Variants in CACHD1 observed in about 807,000 individuals in gnomAD.
CACHD1 encodes VWFA and cache domain-containing protein 1.
In CACHD1, 71 loss-of-function variants were observed where a neutral mutation model predicts 138.7. The ratio of observed to expected loss-of-function variants is 0.51; its 90% confidence interval spans 0.42 to 0.62. The LOEUF (loss-of-function observed/expected upper bound fraction) is 0.62, where lower values mean the gene tolerates loss of function less well. CACHD1 is among the 20% of genes least tolerant of loss of function. CACHD1 has a pLI of 0.00. For missense variants in CACHD1, 1,389 were observed against 1,625.3 expected (o/e 0.85, Z 2.50); for synonymous variants, 578 against 591.5 (o/e 0.98, Z 0.33).
intron 1 of CACHD1, among the ~76,000 whole-genome samples, chr1:64,517,506 T>G (rs1461909047): frequency 6.6e-6 from 1 of 152,040 alleles, no homozygotes; most frequent in Non-Finnish European, 1.5e-5. Context: ...GAGGCCTCAT[T>G]GAGAAAATGA....
intron 4 of CACHD1, among the ~76,000 whole-genome samples, chr1:64,607,576 C>T (rs1394219099): frequency 5.9e-5 from 9 of 152,148 alleles, no homozygotes; most frequent in Admixed American, 5.2e-4. Flanking sequence ...AAATTATACT[C>T]AGTTTATGTG....
At chr1:64,688,663 GC>G (rs1650443083) in intron 26 of CACHD1, among the ~76,000 whole-genome samples, 1 of 151,408 alleles carries the variant, frequency 6.6e-6, no homozygotes, top group Non-Finnish European at 1.5e-5. Flanking sequence ...CCTCCCCATT[GC>G]CCCCTGACCA....
intron 2 of CACHD1, among the ~76,000 whole-genome samples, chr1:64,566,480 C>CCCCG (rs1553133826): frequency 3.4e-3 from 3 of 892 alleles, no homozygotes; most frequent in Admixed American, 9.3e-3. Context: ...GTTTTCAATT[C>CCCCG]CCCCCCCCCC....
intron 8 of CACHD1, among the ~76,000 whole-genome samples, chr1:64,644,108 A>C (rs1222902882): frequency 1.3e-5 from 2 of 152,248 alleles, no homozygotes; most frequent in Non-Finnish European, 2.9e-5. Context: ...TTTTCTTTGC[A>C]TTCTGAGCGC....
At chr1:64,658,115 C>G (rs1649325307) in intron 12 of CACHD1, among the ~76,000 whole-genome samples, 1 of 152,186 alleles carries the variant, frequency 6.6e-6, no homozygotes, top group African/African-American at 2.4e-5. Flanking sequence ...GCTGACTCTG[C>G]AGGGATGCCA....
At chr1:64,604,624 AT>A (rs1002866536) in intron 4 of CACHD1, among the ~76,000 whole-genome samples, 10 of 152,176 alleles carry the variant, frequency 6.6e-5, no homozygotes, top group African/African-American at 2.2e-4. Context: ...ATGTAGTTAA[AT>A]TTTTTACAAG....
chr1:64,506,613 G>A (rs1476733198), intron 1 of CACHD1: 1 of 152,188 alleles, frequency 6.6e-6, no homozygotes, highest in Admixed American at 6.5e-5. Context: ...GGTATACTGA[G>A]AGAAAATACG....
chr1:64,570,530 G>A (rs536559779), intron 2 of CACHD1, among the ~76,000 whole-genome samples: 58 of 152,164 alleles, frequency 3.8e-4, no homozygotes, highest in South Asian at 1.0e-3. Flanking sequence ...AGGTGTTAGC[G>A]GTGAATCCTG....
chr1:64,537,275 AAT>A, intron 1 of CACHD1, among the ~76,000 whole-genome samples: 1 of 136,168 alleles, frequency 7.3e-6, no homozygotes, highest in East Asian at 2.2e-4. Context: ...AAAAAAAAAA[AAT>A]TGTTTGTTGA....
chr1:64,550,423 A>G (rs539163279), intron 1 of CACHD1, among the ~76,000 whole-genome samples, 171 bp from the exon 2 acceptor site: 15 of 152,170 alleles, frequency 9.9e-5, no homozygotes, highest in Non-Finnish European at 1.8e-4. Context: ...TGCTTACATA[A>G]GTGTGATTGA....
At position 64,570,751 on chromosome 1, in the gene CACHD1, GT is replaced by G. The variant is rs372695470; in HGVS notation, c.262-11403del. On this transcript the variant is annotated intron_variant, in intron 2 of 26. Transcript: ENST00000651257. ...TCAGGCAAATATCCTCATTCCTCTG[GT>G]TGGAAACCCATACGGGAAACATTTC... Among the ~76,000 whole-genome samples, 10 of 151,808 alleles carry G rather than the reference GT, an allele frequency of 6.6e-5. No individual in the cohort carries two copies. The South Asian group carries it at 1.9e-3, about 29-fold the overall frequency.
chr1:64,671,133 T>C (rs1649799499), intron 16 of CACHD1, among the ~76,000 whole-genome samples: 1 of 152,212 alleles, frequency 6.6e-6, no homozygotes, highest in East Asian at 1.9e-4. Context: ...AGTTAACCTT[T>C]GTGAGATCTC....
intron 1 of CACHD1, among the ~76,000 whole-genome samples, chr1:64,542,586 T>C (rs1382832408): frequency 6.6e-6 from 1 of 152,186 alleles, no homozygotes; most frequent in Non-Finnish European, 1.5e-5. Flanking sequence ...CTTTCTCTGT[T>C]ATATATTCAA....
intron 17 of CACHD1, 90 bp from the exon 18 acceptor site, chr1:64,673,067 TC>T: frequency 9.3e-7 from 1 of 1,076,684 alleles, no homozygotes; most frequent in Non-Finnish European, 1.4e-6. Context: ...GCAGTTTGTT[TC>T]AGGGCTAGCA....
chr1:64,625,112 G>T (rs1648050094), intron 4 of CACHD1, among the ~76,000 whole-genome samples: 1 of 152,210 alleles, frequency 6.6e-6, no homozygotes, highest in Non-Finnish European at 1.5e-5. Context: ...CACTGTACCA[G>T]ACTGAAGGAA....
chr1:64,515,102 A>G (rs1197179663), intron 1 of CACHD1, among the ~76,000 whole-genome samples: 1 of 152,206 alleles, frequency 6.6e-6, no homozygotes, highest in African/African-American at 2.4e-5. Context: ...AAATAAATGT[A>G]TATGCTTATG....
At chr1:64,546,825 G>A (rs988356829) in intron 1 of CACHD1, among the ~76,000 whole-genome samples, 19 of 152,056 alleles carry the variant, frequency 1.2e-4, no homozygotes, top group South Asian at 4.2e-4. Context: ...ATAATTTTAC[G>A]TAGCAATAGA....
At chr1:64,511,601 C>T (rs1646421072) in intron 1 of CACHD1, among the ~76,000 whole-genome samples, 1 of 152,168 alleles carries the variant, frequency 6.6e-6, no homozygotes, top group African/African-American at 2.4e-5. Context: ...CAAGTGGTCA[C>T]CCAGCCGCTT....
chr1:64,663,919 A>G (rs1478262684), intron 14 of CACHD1, 82 bp downstream of exon 14: 2 of 1,557,398 alleles, frequency 1.3e-6, no homozygotes, highest in Non-Finnish European at 1.8e-6. Context: ...CCTTTGAAGT[A>G]GGAAACCCAG....
Sources: gnomAD v4.1 joint callset for allele counts (sites outside exome capture counted in the v4.1 genomes callset) on GRCh38, gnomAD v4.1.1 for gene constraint, MANE v1.5 for transcripts, NCBI Gene and HGNC (gene_info 2026-07-23, HGNC 2026-07-21) for gene names.